Variants in ZNF248 observed in about 807,000 individuals in gnomAD.
The protein encoded by ZNF248 is KRAB protein domain.
A neutral mutation model predicts 44.3 loss-of-function variants in ZNF248; 20 were observed. The observed-to-expected ratio is 0.45, with a 90% CI of 0.32 to 0.66. The LOEUF (loss-of-function observed/expected upper bound fraction) is 0.66, where lower values mean the gene tolerates loss of function less well. ZNF248 is among the 30% of genes least tolerant of loss of function. The pLI, the probability that ZNF248 is intolerant of heterozygous loss-of-function variation, is 0.04. For synonymous variants in ZNF248, 224 were observed against 229.0 expected (o/e 0.98, Z 0.20); for missense variants, 654 against 677.0 (o/e 0.97, Z 0.38).
chr10:37,767,378 G>T, the ZNF248 span, among the ~76,000 whole-genome samples: 1 of 152,160 alleles, frequency 6.6e-6, no homozygotes, highest in African/African-American at 2.4e-5. Flanking sequence ...CAGAGAGAAA[G>T]GTCGGGTTAC....
chr10:37,805,475 T>C (rs1437164143), intron 6 of ZNF248, among the ~76,000 whole-genome samples: 1 of 152,222 alleles, frequency 6.6e-6, no homozygotes, highest in Non-Finnish European at 1.5e-5. Flanking sequence ...TTAGGGACTT[T>C]CCAATGGAAT....
At chr10:37,771,752 T>C (rs1000706219), downstream of ZNF248, among the ~76,000 whole-genome samples, 1 of 152,016 alleles carries the variant, frequency 6.6e-6, no homozygotes, top group African/African-American at 2.4e-5. Context: ...TGTGCACATG[T>C]ACCCTAAAAC....
intron 6 of ZNF248, among the ~76,000 whole-genome samples, chr10:37,800,454 C>T (rs935967148): frequency 1.3e-5 from 2 of 152,162 alleles, no homozygotes; most frequent in African/African-American, 4.8e-5. Context: ...TGATCTCATT[C>T]ATTTTTATGG....
chr10:37,821,106 T>G, intron 6 of ZNF248: 1 of 556,460 alleles, frequency 1.8e-6, no homozygotes, highest in South Asian at 2.3e-5. Context: ...ATGCTGCCAT[T>G]GTGGAAGTCA....
chr10:37,796,907 A>C (rs1170456000), intron 6 of ZNF248, among the ~76,000 whole-genome samples: 1 of 152,120 alleles, frequency 6.6e-6, no homozygotes, highest in African/African-American at 2.4e-5. Context: ...GCAGAATTAT[A>C]AGCAAGGTGA....
chr10:37,781,676 C>T (rs1405907297), intron 6 of ZNF248, among the ~76,000 whole-genome samples: 3 of 152,176 alleles, frequency 2.0e-5, no homozygotes, highest in Non-Finnish European at 2.9e-5. Context: ...TAACTGGCTA[C>T]CTTTTTATGT....
intron 6 of ZNF248, among the ~76,000 whole-genome samples, chr10:37,804,456 C>A (rs1452742750): frequency 6.6e-6 from 1 of 151,144 alleles, no homozygotes; most frequent in East Asian, 2.0e-4. Context: ...TTATTTGAGA[C>A]AAGGTCTCAC....
At chr10:37,761,997 C>G in the ZNF248 span, among the ~76,000 whole-genome samples, 1 of 152,196 alleles carries the variant, frequency 6.6e-6, no homozygotes, top group South Asian at 2.1e-4. Context: ...AGAACATCTA[C>G]CAAAATCAAA....
At chr10:37,773,568 T>C (rs1258397069), downstream of ZNF248, among the ~76,000 whole-genome samples, 1 of 152,170 alleles carries the variant, frequency 6.6e-6, no homozygotes, top group Non-Finnish European at 1.5e-5. Context: ...ACAGACTAGG[T>C]GGTTTAAACA....
intron 6 of ZNF248, chr10:37,821,118 G>A: frequency 1.9e-6 from 1 of 527,664 alleles, no homozygotes; most frequent in Non-Finnish European, 3.3e-6. Flanking sequence ...TGGAAGTCAT[G>A]GTAACTTTTT....
the ZNF248 span, among the ~76,000 whole-genome samples, chr10:37,764,961 C>T: frequency 0.47 from 68,664 of 145,330 alleles, 15,816 homozygotes; most frequent in East Asian, 0.56. Flanking sequence ...CTTTTTGAGC[C>T]TTTTTTTTTT....
chr10:37,796,379 CT>C (rs201345857), intron 6 of ZNF248, among the ~76,000 whole-genome samples: 4,386 of 143,102 alleles, frequency 0.031, 136 homozygotes, highest in East Asian at 0.11. Context: ...CTACAGCTGG[CT>C]TTTTTTTTTT....
intron 3 of ZNF248, among the ~76,000 whole-genome samples, chr10:37,848,684 AG>A (rs2059723290): frequency 6.6e-6 from 1 of 152,146 alleles, no homozygotes; most frequent in African/African-American, 2.4e-5. Flanking sequence ...ATCAAACAGA[AG>A]TCAGAGGCAT....
intron 6 of ZNF248, among the ~76,000 whole-genome samples, chr10:37,816,281 G>A (rs762578016): frequency 5.3e-5 from 8 of 152,172 alleles, no homozygotes; most frequent in Non-Finnish European, 1.0e-4. Context: ...TTACACCTCC[G>A]TGTCTGCACC....
intron 6 of ZNF248, among the ~76,000 whole-genome samples, chr10:37,785,258 G>T (rs1440762063): frequency 6.6e-6 from 1 of 152,168 alleles, no homozygotes; most frequent in African/African-American, 2.4e-5. Context: ...TATGCCATCT[G>T]CAGCAAAGAA....
chr10:37,805,798 C>A (rs1033413612), intron 6 of ZNF248, among the ~76,000 whole-genome samples: 2 of 152,036 alleles, frequency 1.3e-5, no homozygotes, highest in Non-Finnish European at 2.9e-5. Flanking sequence ...TGGTTACCTA[C>A]ACAATGTTAA....
chr10:37,767,622 A>T, the ZNF248 span, among the ~76,000 whole-genome samples: 1 of 152,256 alleles, frequency 6.6e-6, no homozygotes, highest in South Asian at 2.1e-4. Context: ...CTCCTGAAAG[A>T]CGCACTAAAC....
At chr10:37,793,266 C>T (rs565210355) in intron 6 of ZNF248, among the ~76,000 whole-genome samples, 8 of 151,970 alleles carry the variant, frequency 5.3e-5, no homozygotes, top group Admixed American at 3.3e-4. Context: ...ACCTGGGAAG[C>T]GGAGGTTGCA....
chr10:37,804,864 CTTT>C (rs770874985), intron 6 of ZNF248, among the ~76,000 whole-genome samples: 2 of 152,102 alleles, frequency 1.3e-5, no homozygotes, highest in Non-Finnish European at 2.9e-5. Context: ...GTTCATTCTT[CTTT>C]AATAGCTAAA....
Sources: allele counts gnomAD v4.1 joint callset (sites outside exome capture counted in the v4.1 genomes callset), GRCh38; gene constraint gnomAD v4.1.1; transcripts MANE v1.5; gene names NCBI Gene and HGNC (gene_info 2026-07-23, HGNC 2026-07-21).